ADGRV1: variants seen among roughly 807,000 people sequenced by gnomAD.
ADGRV1 encodes the protein G-protein coupled receptor 98.
In ADGRV1, 359 loss-of-function variants were observed where a neutral mutation model predicts 596.2. The ratio of observed to expected loss-of-function variants is 0.60; its 90% CI spans 0.55 to 0.66. The LOEUF (loss-of-function observed/expected upper bound fraction) is 0.66. ADGRV1 is among the 30% of genes least tolerant of loss of function. ADGRV1 has a pLI of 0.00. For missense variants in ADGRV1, 7,274 were observed against 7,575.6 expected (o/e 0.96, Z 1.48); for synonymous variants, 2,681 against 2,679.2 (o/e 1.00, Z -0.02).
chr5:90,829,484 A>G (rs1764349434), intron 77 of ADGRV1, among the ~76,000 whole-genome samples: 1 of 152,218 alleles, frequency 6.6e-6, no homozygotes, highest in Non-Finnish European at 1.5e-5. Context: ...AAATTTCTTC[A>G]GAATGTAACT....
intron 83 of ADGRV1, among the ~76,000 whole-genome samples, chr5:90,871,571 G>T (rs1392028238): frequency 1.3e-5 from 2 of 152,196 alleles, no homozygotes; most frequent in African/African-American, 4.8e-5. Flanking sequence ...TATCATGTTT[G>T]CAACATAGCT....
intron 31 of ADGRV1, 126 bp from the exon 32 acceptor site, chr5:90,692,479 C>T (rs1335621668): frequency 5.8e-6 from 4 of 687,514 alleles, no homozygotes; most frequent in Non-Finnish European, 9.5e-6. Flanking sequence ...TCTTTTAGTC[C>T]ATTTATATTT....
At chr5:90,754,150 C>T (rs1755571050) in intron 54 of ADGRV1, among the ~76,000 whole-genome samples, 1 of 152,022 alleles carries the variant, frequency 6.6e-6, no homozygotes, top group Admixed American at 6.6e-5. Context: ...CTTCACTCAG[C>T]TATATTTTCT....
In ADGRV1 at chr5:90,657,814, A is replaced by T. The variant is rs975116252; in HGVS notation, c.4379-91A>T. The T allele has an allele frequency of 2.3e-6, 3 of 1,320,294 alleles. No individual in the cohort carries two copies. The African/African-American group carries it at 4.4e-5, about 19-fold the overall frequency. The allele number at this position is 1,320,294 out of a possible 1,614,324, so 81.8% of individuals were successfully genotyped here. On this transcript the variant is annotated intron_variant, in intron 20 of 89. Transcript: ENST00000405460. Reference sequence around the variant, plus strand: ...TTTCATTTATCCAAAAATATCTTTCAGTAAAATTGTCTTACTTTCTGAATC... The same window carrying T: ...TTTCATTTATCCAAAAATATCTTTCTGTAAAATTGTCTTACTTTCTGAATC...
chr5:91,097,323 A>G (rs138096953), intron 86 of ADGRV1, among the ~76,000 whole-genome samples: 1 of 152,140 alleles, frequency 6.6e-6, no homozygotes, highest in African/African-American at 2.4e-5. Context: ...TACTCTCACA[A>G]CCTAATCACC....
In ADGRV1 at chr5:91,072,473, CT is replaced by C. The variant is rs1788473774; in HGVS notation, c.18182del (p.Leu6061CysfsTer9). ...TGTTTTATTCCAAACGTCTATGCTGCTTTGTTCACTGCAGCTCTTGTTCCTT... is the reference window on the plus strand; with the variant it reads ...TGTTTTATTCCAAACGTCTATGCTGCTTGTTCACTGCAGCTCTTGTTCCTT... ...DLCFIPNVYAALFTAALVPLT... is the reference protein window; with the variant it reads ...DLCFIPNVYAXLFTAALVPLT... On this transcript the variant is annotated frameshift_variant, in exon 86 of 90. Coordinates refer to ENST00000405460, the MANE Select transcript of ADGRV1 (RefSeq NM_032119.4). LOFTEE classifies it high-confidence loss of function. The C allele has an allele frequency of 6.2e-7, 1 of 1,613,676 alleles. No individual in the cohort carries two copies. The highest frequency in any genetic ancestry group is 8.5e-7 in the Non-Finnish European group (1 of 1,179,742).
At chr5:90,961,778 A>G (rs1209030104) in intron 83 of ADGRV1, among the ~76,000 whole-genome samples, 1 of 152,216 alleles carries the variant, frequency 6.6e-6, no homozygotes, top group African/African-American at 2.4e-5. Context: ...GAATTTTATA[A>G]GTCATTTTAA....
chr5:91,066,296 T>G (rs1228168567), intron 85 of ADGRV1, among the ~76,000 whole-genome samples: 1 of 152,174 alleles, frequency 6.6e-6, no homozygotes, highest in Non-Finnish European at 1.5e-5. Flanking sequence ...TATTCACAGT[T>G]TCCTAACACC....
At chr5:90,712,561 A>G (rs946582756) in intron 42 of ADGRV1, 133 bp downstream of exon 42, 29 of 688,218 alleles carry the variant, frequency 4.2e-5, no homozygotes, top group Admixed American at 1.2e-4. Flanking sequence ...AAGTTAGAGC[A>G]TTTCAGAATT....
intron 75 of ADGRV1, among the ~76,000 whole-genome samples, chr5:90,820,146 A>C (rs1763330273): frequency 6.6e-6 from 1 of 150,596 alleles, no homozygotes; most frequent in South Asian, 2.1e-4. Flanking sequence ...CTTCTTGTTG[A>C]ATTGATCCCT....
rs1353760019 is a variant in ADGRV1 at position 90,963,521 on chromosome 5, T to C, written c.17857-1894T>C. On this transcript the variant is annotated intron_variant, in intron 83 of 89. Transcript: ENST00000405460. ...TTTGTATCAGATTGTCAGGAAATAA[T>C]GTTACATAAATTTCTATTTTCTGCT... Among the ~76,000 whole-genome samples, 4 of 151,992 alleles carry C rather than the reference T, an allele frequency of 2.6e-5. No homozygotes were observed. The East Asian group carries it at 7.7e-4, about 29-fold the overall frequency.
At chr5:90,659,903 G>A (rs1001343492) in intron 21 of ADGRV1, among the ~76,000 whole-genome samples, 4 of 152,100 alleles carry the variant, frequency 2.6e-5, no homozygotes, top group African/African-American at 9.7e-5. Context: ...GTGGTGGTGG[G>A]CACCTGTAGT....
At chr5:90,564,144 T>G (rs1755233715) in intron 1 of ADGRV1, among the ~76,000 whole-genome samples, 1 of 152,262 alleles carries the variant, frequency 6.6e-6, no homozygotes, top group Non-Finnish European at 1.5e-5. Context: ...ATCAGTATAA[T>G]TTTGAGAACA....
At chr5:90,980,823 G>C (rs781477507) in intron 84 of ADGRV1, among the ~76,000 whole-genome samples, 24 of 152,148 alleles carry the variant, frequency 1.6e-4, no homozygotes, top group Non-Finnish European at 2.5e-4. Flanking sequence ...ATAATGATCT[G>C]TTAATACTCT....
chr5:90,966,347 A>G (rs368252606), intron 84 of ADGRV1, among the ~76,000 whole-genome samples: 3 of 152,056 alleles, frequency 2.0e-5, no homozygotes, highest in Non-Finnish European at 1.5e-5. Flanking sequence ...CCTGTCCAAC[A>G]TGGTGAAACC....
At chr5:90,663,125 C>T (rs1770664321) in intron 21 of ADGRV1, among the ~76,000 whole-genome samples, 1 of 149,876 alleles carries the variant, frequency 6.7e-6, no homozygotes, top group Non-Finnish European at 1.5e-5. Flanking sequence ...GGGTATATAC[C>T]CAGTAATGGG....
At chr5:90,833,930 T>C (rs1012733044) in intron 77 of ADGRV1, among the ~76,000 whole-genome samples, 9 of 152,174 alleles carry the variant, frequency 5.9e-5, no homozygotes, top group African/African-American at 2.2e-4. Flanking sequence ...CCATTTAAAA[T>C]AATTGTCATT....
rs1005000974 is a variant in ADGRV1 at position 90,756,645 on chromosome 5, C to T, written c.11757+15C>T. On this transcript the variant is annotated intron_variant, in intron 56 of 89. Transcript: ENST00000405460. ...ATGTTACTAGAGTGAGATGAACTTT[C>T]ATTTGTTTACAGTCATACAGAGGCC... The T allele has an allele frequency of 6.2e-7, 1 of 1,605,512 alleles. No individual in the cohort carries two copies. Among genetic ancestry groups the T allele is most frequent in the African/African-American group, 1.3e-5 (1 of 74,738 alleles).
At position 90,558,834 on chromosome 5, in the gene ADGRV1, C is replaced by A. The variant is rs963954233; in HGVS notation, c.-62C>A. ...CAGCAGCGCGGGCAAGGAGTACGGA[C>A]GGGAGTCAGAGGCAGAGCGAGGGTG... On this transcript the variant is annotated 5_prime_UTR_variant, in exon 1 of 90. Transcript: ENST00000405460. 2.0e-6 allele frequency: 3 copies of A among 1,522,628 alleles called. No individual in the cohort carries two copies. The highest frequency in any genetic ancestry group is 2.7e-6 in the Non-Finnish European group (3 of 1,119,030). 94.3% of individuals were successfully genotyped at this position (1,522,628 alleles called of 1,614,324 possible).
Sources: allele counts gnomAD v4.1 joint callset (sites outside exome capture counted in the v4.1 genomes callset), GRCh38; gene constraint gnomAD v4.1.1; transcripts MANE v1.5; gene names NCBI Gene and HGNC (gene_info 2026-07-23, HGNC 2026-07-21).